The following SATB2 variants were observed in gnomAD, a reference collection of about 807,000 sequenced individuals.
SATB2 encodes the protein DNA-binding protein SATB2.
A neutral mutation model predicts 73.4 loss-of-function variants in SATB2; 1 was observed. The observed-to-expected ratio is 0.01, with a 90% CI of 0.00 to 0.06. The LOEUF is 0.06. Ranked by LOEUF, SATB2 falls within the 10% of genes least tolerant of loss-of-function variation. SATB2 has a pLI of 1.00. For missense variants in SATB2, 459 were observed against 945.8 expected, an observed-to-expected ratio of 0.49 and a Z score of 6.75; for synonymous variants, 397 against 367.0, an observed-to-expected ratio of 1.08 and a Z score of -0.93.
At chr2:199,390,457 T>C (rs1690096613) in intron 3 of SATB2, among the ~76,000 whole-genome samples, 1 of 152,230 alleles carries the variant, frequency 6.6e-6, no homozygotes, top group Non-Finnish European at 1.5e-5. Flanking sequence ...AAACTCATGG[T>C]GGCAGGTAAT....
chr2:199,388,932 T>C (rs989172297), intron 3 of SATB2, among the ~76,000 whole-genome samples: 4 of 152,182 alleles, frequency 2.6e-5, no homozygotes, highest in African/African-American at 9.6e-5. Context: ...TGCTATAGCA[T>C]ATAATTTTCT....
At chr2:199,443,558 G>T (rs11885994) in intron 2 of SATB2, among the ~76,000 whole-genome samples, 3 of 136,828 alleles carry the variant, frequency 2.2e-5, no homozygotes, top group Admixed American at 7.3e-5. Flanking sequence ...AAAAAAAAAG[G>T]CTTTCTCCCT....
At chr2:199,366,135 T>C (rs1407000805) in intron 6 of SATB2, among the ~76,000 whole-genome samples, 2 of 152,084 alleles carry the variant, frequency 1.3e-5, no homozygotes, top group East Asian at 1.9e-4. Context: ...TAGAAGTGCA[T>C]GTAAATTGGT....
intron 2 of SATB2, among the ~76,000 whole-genome samples, chr2:199,453,711 TTTG>T (rs1692194693): frequency 6.6e-6 from 1 of 152,050 alleles, no homozygotes; most frequent in South Asian, 2.1e-4. Context: ...AACTCATAAT[TTTG>T]TTAACATTCA....
intron 9 of SATB2, among the ~76,000 whole-genome samples, chr2:199,310,574 T>C (rs148190813): frequency 6.6e-4 from 101 of 152,302 alleles, no homozygotes; most frequent in African/African-American, 2.3e-3. Context: ...AGTAAAAGAA[T>C]TCTTGAAATG....
At position 199,364,660 on chromosome 2, in the gene SATB2, T is replaced by C. The variant is rs917312968; in HGVS notation, c.700+3945A>G. 2.6e-5 allele frequency among the ~76,000 whole-genome samples: 4 copies of C among 152,142 alleles called. 1 individual carries two copies. The highest frequency in any genetic ancestry group is 9.7e-5 in the African/African-American group (4 of 41,430). ...GTATTATTTTATAACACAAATAATT[T>C]TATAATAACCACCTGTATTTGTGTA... On this transcript the variant is annotated intron_variant, in intron 6 of 10. Coordinates refer to ENST00000417098, the MANE Select transcript of SATB2 (RefSeq NM_001172509.2).
chr2:199,275,864 T>C (rs1187761852), intron 10 of SATB2, among the ~76,000 whole-genome samples: 1 of 152,182 alleles, frequency 6.6e-6, no homozygotes, highest in Non-Finnish European at 1.5e-5. Flanking sequence ...TCTTACAAGT[T>C]AGCAAAGGAG....
chr2:199,309,303 T>C (rs1687528123), intron 9 of SATB2, among the ~76,000 whole-genome samples: 1 of 152,228 alleles, frequency 6.6e-6, no homozygotes, highest in African/African-American at 2.4e-5. Flanking sequence ...ATTACCCAAC[T>C]GGGCAGCATT....
intron 7 of SATB2, among the ~76,000 whole-genome samples, chr2:199,346,237 C>T (rs1483550967): frequency 2.0e-5 from 3 of 151,832 alleles, no homozygotes; most frequent in Non-Finnish European, 2.9e-5. Flanking sequence ...GCACCCTCCA[C>T]CTCCTGGGTT....
chr2:199,291,381 T>C (rs1365268109), intron 10 of SATB2, among the ~76,000 whole-genome samples: 1 of 152,158 alleles, frequency 6.6e-6, no homozygotes, highest in Non-Finnish European at 1.5e-5. Flanking sequence ...CATCTGAAAC[T>C]GAATAAATAA....
In SATB2 at chr2:199,351,214, T is replaced by C. The variant is rs182772702; in HGVS notation, c.701-2041A>G. Among the ~76,000 whole-genome samples, 3 of 151,366 alleles carry C rather than the reference T, an allele frequency of 2.0e-5. No homozygotes were observed. In the East Asian group the frequency reaches 5.9e-4, roughly 30 times the overall value. On this transcript the variant is annotated intron_variant, in intron 6 of 10. Transcript: ENST00000417098. ...TTCACTCTTGTTGCCCAGGCTATAGTGCAATGGCGCAATCTCAGCTCACTG... is the reference window on the plus strand; with the variant it reads ...TTCACTCTTGTTGCCCAGGCTATAGCGCAATGGCGCAATCTCAGCTCACTG...
chr2:199,421,332 C>G (rs756272902), intron 3 of SATB2, among the ~76,000 whole-genome samples: 1 of 152,116 alleles, frequency 6.6e-6, no homozygotes, highest in Non-Finnish European at 1.5e-5. Context: ...TAGAAACAAA[C>G]AAACAAAAAG....
At chr2:199,329,049 G>C (rs756324934) in intron 7 of SATB2, 139 bp from the exon 8 acceptor site, 15 of 715,986 alleles carry the variant, frequency 2.1e-5, no homozygotes, top group Non-Finnish European at 3.3e-5. Context: ...AATTCCTTAG[G>C]GTTCTCCGAT....
chr2:199,370,224 A>G (rs182509710), intron 5 of SATB2, among the ~76,000 whole-genome samples: 4 of 151,768 alleles, frequency 2.6e-5, no homozygotes, highest in Admixed American at 2.6e-4. Flanking sequence ...GAGACCCTTG[A>G]GGACAGTGAC....
At chr2:199,433,603 G>T in intron 2 of SATB2, 89 bp from the exon 3 acceptor site, 1 of 1,205,008 alleles carries the variant, frequency 8.3e-7, no homozygotes, top group South Asian at 1.2e-5. Flanking sequence ...AGTTATAAAA[G>T]TCAGTCATCT....
At chr2:199,446,866 G>C (rs1281669124) in intron 2 of SATB2, among the ~76,000 whole-genome samples, 1 of 152,140 alleles carries the variant, frequency 6.6e-6, no homozygotes, top group African/African-American at 2.4e-5. Flanking sequence ...TGCCTATCTT[G>C]TTTCTTTCAT....
At position 199,319,814 on chromosome 2, in the gene SATB2, T is replaced by C. The variant is rs527240772; in HGVS notation, c.1542+3989A>G. Among the ~76,000 whole-genome samples the C allele has an allele frequency of 2.1e-4, 32 of 151,258 alleles. No individual in the cohort carries two copies. In the South Asian group the frequency reaches 4.8e-3, roughly 23 times the overall value. On this transcript the variant is annotated intron_variant, in intron 9 of 10. Transcript: ENST00000417098. Reference sequence around the variant, plus strand: ...CCTTAGCATTCTATGAGCTAACCTATCGTAGCCCATAAAAGGGAGAAGATA... The same window carrying C: ...CCTTAGCATTCTATGAGCTAACCTACCGTAGCCCATAAAAGGGAGAAGATA...
chr2:199,297,845 G>A (rs1436036872), intron 10 of SATB2, among the ~76,000 whole-genome samples: 2 of 151,424 alleles, frequency 1.3e-5, no homozygotes, highest in Admixed American at 6.6e-5. Context: ...ATACCCAATG[G>A]CATTTTATTA....
chr2:199,389,671 G>A (rs1164070775), intron 3 of SATB2, among the ~76,000 whole-genome samples: 1 of 151,876 alleles, frequency 6.6e-6, no homozygotes, highest in Non-Finnish European at 1.5e-5. Context: ...GCAAGAATTC[G>A]GTAACACTGA....
Sources: gnomAD v4.1 joint callset for allele counts (sites outside exome capture counted in the v4.1 genomes callset) on GRCh38, gnomAD v4.1.1 for gene constraint, MANE v1.5 for transcripts, NCBI Gene and HGNC (gene_info 2026-07-23, HGNC 2026-07-21) for gene names.